SLC24A3: variants seen among roughly 807,000 people sequenced by gnomAD.
SLC24A3 encodes the protein solute carrier family 24 member 3.
SLC24A3 carries 28 observed loss-of-function variants against 75.8 expected under a neutral mutation model. That is an observed-to-expected ratio of 0.37 (90% confidence interval 0.27 to 0.51). The LOEUF is 0.51. Among genes scored for constraint, SLC24A3 ranks in the 20% least tolerant of loss-of-function variants. SLC24A3 has a pLI of 0.94. For missense variants in SLC24A3, 663 were observed against 847.8 expected (o/e 0.78, Z 2.71); for synonymous variants, 372 against 334.1 (o/e 1.11, Z -1.24).
chr20:19,617,180 A>T (rs1215142881), intron 6 of SLC24A3, among the ~76,000 whole-genome samples: 1 of 152,236 alleles, frequency 6.6e-6, no homozygotes, highest in Non-Finnish European at 1.5e-5. Context: ...TCTCGAGCAG[A>T]TCCTTTCAAT....
intron 6 of SLC24A3, among the ~76,000 whole-genome samples, chr20:19,623,483 C>G (rs1306577953): frequency 6.6e-6 from 1 of 152,120 alleles, no homozygotes; most frequent in East Asian, 1.9e-4. Context: ...ATTAGAGGTT[C>G]AGAATGTATT....
intron 1 of SLC24A3, among the ~76,000 whole-genome samples, chr20:19,278,330 C>T (rs774528698): frequency 6.6e-6 from 1 of 152,152 alleles, no homozygotes; most frequent in African/African-American, 2.4e-5. Context: ...ACTTAAAGTG[C>T]ACCTACTATT....
At chr20:19,674,283 T>C (rs1235567176) in intron 9 of SLC24A3, among the ~76,000 whole-genome samples, 5 of 152,350 alleles carry the variant, frequency 3.3e-5, no homozygotes, top group African/African-American at 1.2e-4. Flanking sequence ...ACTTAGTGGC[T>C]TAAAAGCACA....
intron 15 of SLC24A3, among the ~76,000 whole-genome samples, chr20:19,714,066 T>C (rs959678174): frequency 6.6e-6 from 1 of 152,166 alleles, no homozygotes; most frequent in East Asian, 1.9e-4. Context: ...CCATTGATGA[T>C]ACATAAATGA....
chr20:19,505,045 T>TAC (rs1299486814), intron 2 of SLC24A3, among the ~76,000 whole-genome samples: 34 of 152,378 alleles, frequency 2.2e-4, no homozygotes, highest in African/African-American at 8.2e-4. Context: ...TTTGTCAAAT[T>TAC]ACATTTCAGT....
At chr20:19,349,207 T>C (rs1456463195) in intron 2 of SLC24A3, among the ~76,000 whole-genome samples, 1 of 152,216 alleles carries the variant, frequency 6.6e-6, no homozygotes, top group Non-Finnish European at 1.5e-5. Flanking sequence ...ATACTTGCAT[T>C]GACTCCACAT....
chr20:19,499,764 A>G (rs1310237448), intron 2 of SLC24A3, among the ~76,000 whole-genome samples: 1 of 152,202 alleles, frequency 6.6e-6, no homozygotes, highest in Admixed American at 6.5e-5. Context: ...ATGTTTGTAC[A>G]TATGCACACA....
intron 2 of SLC24A3, among the ~76,000 whole-genome samples, chr20:19,413,493 G>C (rs764386731): frequency 6.6e-6 from 1 of 152,112 alleles, no homozygotes; most frequent in Non-Finnish European, 1.5e-5. Context: ...GAGCTGCCCC[G>C]TTCTTTAAAG....
intron 1 of SLC24A3, among the ~76,000 whole-genome samples, chr20:19,215,913 A>C (rs1267230769): frequency 6.6e-6 from 1 of 152,226 alleles, no homozygotes; most frequent in East Asian, 1.9e-4. Context: ...AGGTCTGCTT[A>C]ATTTAGGTCA....
rs1302116504 is a variant in SLC24A3 at position 19,474,504 on chromosome 20, G to A, written c.272-40984G>A. On this transcript the variant is annotated intron_variant, in intron 2 of 16. Coordinates refer to ENST00000328041, the MANE Select transcript of SLC24A3 (RefSeq NM_020689.4). ...TAGGGGTTTATCCTGGTGATACCAA[G>A]ACTGATTAATGGTAGAATATCTACC... Among the ~76,000 whole-genome samples the A allele has an allele frequency of 2.6e-5, 4 of 152,214 alleles. No homozygotes were observed. In the South Asian group the frequency reaches 6.2e-4, roughly 24 times the overall value.
intron 2 of SLC24A3, among the ~76,000 whole-genome samples, chr20:19,292,967 CTTAA>C (rs1160824927): frequency 6.6e-6 from 1 of 152,130 alleles, no homozygotes; most frequent in Non-Finnish European, 1.5e-5. Flanking sequence ...TAATCCTATT[CTTAA>C]TCATCTTCCC....
intron 2 of SLC24A3, among the ~76,000 whole-genome samples, chr20:19,361,975 C>G (rs921797131): frequency 4.6e-5 from 7 of 152,108 alleles, no homozygotes; most frequent in African/African-American, 1.7e-4. Flanking sequence ...TCAGTCGTAT[C>G]TCGTTTTCAT....
At chr20:19,595,718 G>A (rs2031443619) in intron 6 of SLC24A3, among the ~76,000 whole-genome samples, 1 of 152,196 alleles carries the variant, frequency 6.6e-6, no homozygotes, top group Admixed American at 6.5e-5. Context: ...GAGAACACAG[G>A]CAAGGAGCAT....
chr20:19,296,725 T>C (rs572093682), intron 2 of SLC24A3, among the ~76,000 whole-genome samples: 2 of 152,328 alleles, frequency 1.3e-5, no homozygotes, highest in South Asian at 4.1e-4. Flanking sequence ...GGACTTGAAC[T>C]CAGCTCTGGA....
intron 6 of SLC24A3, among the ~76,000 whole-genome samples, chr20:19,602,241 C>T (rs2031536555): frequency 6.6e-6 from 1 of 152,130 alleles, no homozygotes; most frequent in Admixed American, 6.5e-5. Context: ...CTGGGCACCG[C>T]ACTTTGTTGT....
intron 2 of SLC24A3, among the ~76,000 whole-genome samples, chr20:19,307,835 A>G (rs2122256043): frequency 6.6e-6 from 1 of 152,322 alleles, no homozygotes; most frequent in East Asian, 1.9e-4. Context: ...AGCCCTTTAC[A>G]CAGGAATACA....
Position 19,281,090 on chromosome 20 carries a change from A to G in SLC24A3, c.271+3A>G. 4 of 1,614,150 alleles carry G rather than the reference A, an allele frequency of 2.5e-6. No individual in the cohort carries two copies. The highest frequency in any genetic ancestry group is 3.4e-6 in the Non-Finnish European group (4 of 1,179,990). ...CAGCAAGAACTGCACCGAACCAGGTAACAGTGCTGACTACTCATGGGCAGC... is the reference window on the plus strand; with the variant it reads ...CAGCAAGAACTGCACCGAACCAGGTGACAGTGCTGACTACTCATGGGCAGC... On this transcript the variant is annotated splice_donor_region_variant and intron_variant, in intron 2 of 16. Coordinates refer to ENST00000328041, the MANE Select transcript of SLC24A3 (RefSeq NM_020689.4).
intron 3 of SLC24A3, among the ~76,000 whole-genome samples, chr20:19,552,978 A>C (rs1326272015): frequency 6.6e-6 from 1 of 151,990 alleles, no homozygotes; most frequent in African/African-American, 2.4e-5. Context: ...CAAGGTCCCC[A>C]GACTAGGGAC....
chr20:19,540,496 C>T (rs1330430820), intron 3 of SLC24A3, among the ~76,000 whole-genome samples: 2 of 152,192 alleles, frequency 1.3e-5, no homozygotes, highest in Admixed American at 6.5e-5. Context: ...AAAAGCTGTT[C>T]TTTTACACAA....
Sources: gnomAD v4.1 joint callset for allele counts (sites outside exome capture counted in the v4.1 genomes callset) on GRCh38, gnomAD v4.1.1 for gene constraint, MANE v1.5 for transcripts, NCBI Gene and HGNC (gene_info 2026-07-23, HGNC 2026-07-21) for gene names.